Variants in PSG5 observed in about 807,000 individuals in gnomAD.
The protein encoded by PSG5 is pregnancy-specific beta-1-glycoprotein 5.
In PSG5, 53 loss-of-function variants were observed where a neutral mutation model predicts 37.7. That is an observed-to-expected ratio of 1.41 (90% CI 1.13 to 1.77). PSG5 has a LOEUF of 1.77. Among genes scored for constraint, PSG5 ranks in the 40% most tolerant of loss-of-function variants. PSG5 has a pLI of 0.00. For synonymous variants in PSG5, 221 were observed against 155.4 expected (o/e 1.42, Z -3.14); for missense variants, 547 against 405.2 (o/e 1.35, Z -3.00).
In PSG5 at chr19:43,184,595, G is replaced by A. The variant is rs540792171; in HGVS notation, c.430+187C>T. On this transcript the variant is annotated intron_variant, in intron 2 of 5. Transcript: ENST00000342951. ...GCGAGTGTCTGCAGGGTCTGGATGC[G>A]GGAAAGGAATTCTGATCTGTTGAAA... Among the ~76,000 whole-genome samples the A allele has an allele frequency of 1.4e-4, 21 of 151,580 alleles. 1 individual carries two copies. Among genetic ancestry groups the A allele is most frequent in the East Asian group, 5.8e-4 (3 of 5,168 alleles).
At chr19:43,173,307 C>A (rs1029058733) in intron 4 of PSG5, among the ~76,000 whole-genome samples, 4 of 151,660 alleles carry the variant, frequency 2.6e-5, no homozygotes, top group Non-Finnish European at 4.4e-5. Flanking sequence ...ACAATGATTT[C>A]TTGGTTGTAA....
At chr19:43,184,492 A>G (rs999380186) in intron 2 of PSG5, among the ~76,000 whole-genome samples, 1 of 151,576 alleles carries the variant, frequency 6.6e-6, no homozygotes, top group Non-Finnish European at 1.5e-5. Context: ...GGTCAAATTT[A>G]TGAAGAGGGC....
At position 43,178,585 on chromosome 19, in the gene PSG5, G is replaced by C. The variant is rs562897265; in HGVS notation, c.431-2437C>G. Among the ~76,000 whole-genome samples the C allele has an allele frequency of 4.6e-3, 691 of 151,706 alleles. 23 individuals are homozygous for C. The highest frequency in any genetic ancestry group is 0.016 in the African/African-American group (664 of 41,190). On this transcript the variant is annotated intron_variant, in intron 2 of 5. Transcript: ENST00000342951. The stretch of plus-strand genomic sequence containing the variant: ...CTGTGAGCCAAGTCGCAACACTGAA[G>C]TCCCAGCCAAATCCCCGCTGTGTTC...
intron 1 of PSG5, 117 bp from the exon 2 acceptor site, chr19:43,185,264 A>T (rs1415175204): frequency 1.6e-6 from 2 of 1,290,160 alleles, no homozygotes; most frequent in Non-Finnish European, 2.1e-6. Flanking sequence ...ACACACACAC[A>T]CAAACACACA....
intron 1 of PSG5, 134 bp downstream of exon 1, chr19:43,186,208 T>G: frequency 6.8e-7 from 1 of 1,465,200 alleles, no homozygotes; most frequent in Non-Finnish European, 9.3e-7. Context: ...GAACTCCTGA[T>G]CTCATAATCC....
At chr19:43,180,313 C>T (rs959634350) in intron 2 of PSG5, 2 of 151,564 alleles carry the variant, frequency 1.3e-5, no homozygotes, top group Non-Finnish European at 2.9e-5. Flanking sequence ...AGATACAGTG[C>T]TCCTTATGCA....
chr19:43,173,281 C>T (rs1968940980), intron 4 of PSG5, among the ~76,000 whole-genome samples: 1 of 151,600 alleles, frequency 6.6e-6, no homozygotes, highest in South Asian at 2.1e-4. Flanking sequence ...AGAAAAGCTT[C>T]ATGATACTGG....
chr19:43,176,958 T>C (rs886194362), intron 2 of PSG5, among the ~76,000 whole-genome samples: 2 of 151,850 alleles, frequency 1.3e-5, no homozygotes, highest in East Asian at 1.9e-4. Context: ...TACATGTGGA[T>C]GTTTGCAAAT....
Position 43,184,825 on chromosome 19 carries a change from A to G in PSG5, c.387T>C (p.Asp129=). 6.2e-7 allele frequency: 1 copy of G among 1,612,340 alleles called. No individual in the cohort carries two copies. Among genetic ancestry groups the G allele is most frequent in the Admixed American group, 1.7e-5 (1 of 59,880 alleles). The stretch of plus-strand genomic sequence containing the variant: ...AATATCCAGTTACTCCTCTAGTCCT[A>G]TCACCTCGCTTTATGATGTGTAAGG... ...SYTLHIIKRG[D]RTRGVTGYFT... is the part of the protein sequence containing the mutation. The change falls in exon 2 of 6, where the codon GAT becomes GAC. Residue 129 remains aspartate, a synonymous_variant. Coordinates refer to ENST00000342951, the MANE Select transcript of PSG5 (RefSeq NM_002781.4).
At chr19:43,182,932 C>G (rs1430795663) in intron 2 of PSG5, among the ~76,000 whole-genome samples, 1 of 149,208 alleles carries the variant, frequency 6.7e-6, no homozygotes, top group Non-Finnish European at 1.5e-5. Context: ...ATTTCTGCAC[C>G]TTTCCTATTT....
At chr19:43,175,680 C>T in intron 3 of PSG5, 190 bp downstream of exon 3, 1 of 1,397,624 alleles carries the variant, frequency 7.2e-7, no homozygotes, top group South Asian at 1.4e-5. Flanking sequence ...ACAAGAGCGC[C>T]CCCTCCCCTT....
intron 2 of PSG5, among the ~76,000 whole-genome samples, 172 bp from the exon 3 acceptor site, chr19:43,176,320 C>G (rs61140708): frequency 1.3e-5 from 2 of 151,360 alleles, no homozygotes; most frequent in South Asian, 2.1e-4. Context: ...GGCTCAAAGA[C>G]TGTGAGGCCA....
chr19:43,175,987 C>G lies in PSG5; in HGVS notation c.592G>C (p.Glu198Gln), dbSNP rs1316011110. The G allele has an allele frequency of 1.2e-6, 2 of 1,611,556 alleles. No homozygotes were observed. The highest frequency in any genetic ancestry group is 1.7e-5 in the Admixed American group (1 of 59,874). ...CTGGGTAGAATGAGGATCCTGTTTT[C>G]AATGGGTCGCTTTACCCTGGGACTG... ...PVSPRVKRPI[E>Q]NRILILPSVT... Residue 198 changes from glutamate (E) to glutamine (Q), a missense_variant, in exon 3 of 6, where the codon GAA becomes CAA. By Grantham distance (29) the Glu-to-Gln change is conservative (BLOSUM62 2). Transcript: ENST00000342951.
Position 43,185,109 on chromosome 19 carries a change from GA to G in PSG5, c.102del (p.Gln35LysfsTer38). 3 of 1,610,934 alleles carry G rather than the reference GA, an allele frequency of 1.9e-6. No individual in the cohort carries two copies. Among genetic ancestry groups the G allele is most frequent in the Non-Finnish European group, 2.5e-6 (3 of 1,178,068 alleles). On this transcript the variant is annotated frameshift_variant, in exon 2 of 6. Transcript: ENST00000342951. LOFTEE classifies it high-confidence loss of function. ...GGTGGCAGGGCTTCAATCGTGACTT[GA>G]GCAGTGATAGGCAGGTTCCAGAAGT... ...LLNFWNLPIT[A>X]QVTIEALPPK...
At chr19:43,179,166 A>G (rs1363155446) in intron 2 of PSG5, 4 of 1,583,260 alleles carry the variant, frequency 2.5e-6, no homozygotes, top group Admixed American at 1.7e-5. Context: ...CACTTTGCAG[A>G]AAACAGAGAG....
At chr19:43,179,152 T>A (rs193006784) in intron 2 of PSG5, 17 of 1,590,682 alleles carry the variant, frequency 1.1e-5, no homozygotes, top group Non-Finnish European at 1.5e-5. Flanking sequence ...GGCTTGGGAG[T>A]TTCCACTTTG....
rs1177455799 is a variant in PSG5 at position 43,184,908 on chromosome 19, A to G, written c.304T>C (p.Tyr102His). The change falls in exon 2 of 6, where the codon TAT (tyrosine) becomes CAT (histidine). Residue 102 changes from tyrosine (Y) to histidine (H), a missense_variant. Coordinates refer to ENST00000342951, the MANE Select transcript of PSG5 (RefSeq NM_002781.4). ...TGGATCAGCAGGGATGCATTGGAAT[A>G]TACTGTTTCTCGTCCAGTGTATGCA... is the stretch of plus-strand genomic sequence containing the variant. ...GPAYTGRETVYSNASLLIQNV... is the reference protein window; with the variant it reads ...GPAYTGRETVHSNASLLIQNV... 1.2e-6 allele frequency: 2 copies of G among 1,612,588 alleles called. No individual in the cohort carries two copies. Among genetic ancestry groups the G allele is most frequent in the Non-Finnish European group, 8.5e-7 (1 of 1,179,182 alleles).
At chr19:43,175,794 A>G (rs1361889604) in intron 3 of PSG5, 76 bp downstream of exon 3, 4 of 1,591,254 alleles carry the variant, frequency 2.5e-6, no homozygotes, top group Non-Finnish European at 3.4e-6. Context: ...GACCGGAGAA[A>G]GACTGAGAGG....
At position 43,184,515 on chromosome 19, in the gene PSG5, G is replaced by T. The variant is rs184281214; in HGVS notation, c.430+267C>A. Among the ~76,000 whole-genome samples the T allele has an allele frequency of 2.8e-3, 432 of 151,602 alleles. 18 individuals are homozygous for T. Among genetic ancestry groups the T allele is most frequent in the African/African-American group, 9.8e-3 (405 of 41,214 alleles). ...TTATGAAGAGGGCATGAGGTGCTTG[G>T]CTGAGACTGATCTCCTCCTGCTGAG... On this transcript the variant is annotated intron_variant, in intron 2 of 5. Transcript: ENST00000342951.
Sources: gnomAD v4.1 joint callset for allele counts (sites outside exome capture counted in the v4.1 genomes callset) on GRCh38, gnomAD v4.1.1 for gene constraint, MANE v1.5 for transcripts, NCBI Gene and HGNC (gene_info 2026-07-23, HGNC 2026-07-21) for gene names.